NEDD1: variants seen among roughly 807,000 people sequenced by gnomAD.
NEDD1 encodes the protein NEDD1 gamma-tubulin ring complex targeting factor, also known as protein NEDD1.
In NEDD1, 33 loss-of-function variants were observed where a neutral mutation model predicts 74.0. That is an observed-to-expected ratio of 0.45 (90% CI 0.34 to 0.60). The LOEUF is 0.60. Among genes scored for constraint, NEDD1 ranks in the 20% least tolerant of loss-of-function variants. The pLI is 0.01. For synonymous variants in NEDD1, 250 were observed against 264.4 expected (o/e 0.95, Z 0.53); for missense variants, 746 against 776.5 (o/e 0.96, Z 0.47).
rs3741957 is a variant in NEDD1, at chr12:96,937,047, T to G, written c.922-151T>G. 2,620 of 516,786 alleles carry G rather than the reference T, an allele frequency of 5.1e-3. 67 individuals are homozygous for G. Among genetic ancestry groups the G allele is most frequent in the East Asian group, 0.044 (1,349 of 30,682 alleles). 32.0% of individuals were successfully genotyped at this position (516,786 alleles called of 1,614,324 possible). On this transcript the variant is annotated intron_variant, in intron 8 of 15. Coordinates refer to ENST00000266742, the MANE Select transcript of NEDD1 (RefSeq NM_152905.4). ...TTTTAAAAGTATTTTAAAAGACATT[T>G]TAATTTAGAGGGAAACTCAGGTCTG...
Position 96,936,789 on chromosome 12 carries a change from C to G in NEDD1, c.898C>G (p.Gln300Glu). The change falls in exon 8 of 16, where the codon CAG becomes GAG. Residue 300 changes from glutamine (Q) to glutamate (E), a missense_variant. This residue lies in a region of NEDD1 where 706 missense variants were observed against 706.7 expected (regional missense o/e 1.00). Coordinates refer to ENST00000266742, the MANE Select transcript of NEDD1 (RefSeq NM_152905.4). The stretch of plus-strand genomic sequence containing the variant: ...GACATCTGTGCAGTGTATAGCATTT[C>G]AGTACTCCACTGTTCTTACTAAGGT... Reference protein sequence around the residue: ...HKTSVQCIAFQYSTVLTKSSL... With the variant: ...HKTSVQCIAFEYSTVLTKSSL... The G allele has an allele frequency of 6.2e-7, 1 of 1,606,758 alleles. No homozygotes were observed. Among genetic ancestry groups the G allele is most frequent in the Admixed American group, 1.7e-5 (1 of 59,996 alleles).
In NEDD1 at chr12:96,952,111, T is replaced by A; in HGVS notation, c.*58T>A. ...TGGGAAGTTTCTGGCAACACAGAAC[T>A]ACATAGAATCAGTATTGTTTTCATG... On this transcript the variant is annotated 3_prime_UTR_variant, in exon 16 of 16. Transcript: ENST00000266742. The A allele has an allele frequency of 2.2e-6, 2 of 904,718 alleles. No homozygotes were observed. Among genetic ancestry groups the A allele is most frequent in the Non-Finnish European group, 3.7e-6 (2 of 547,330 alleles). The allele number at this position is 904,718 out of a possible 1,614,324, so 56.0% of individuals were successfully genotyped here. A position where few individuals can be genotyped will look rare whatever the true frequency, so the allele number is the denominator to read the frequency against.
intron 1 of NEDD1, 129 bp downstream of exon 1, chr12:96,907,429 G>A (rs1873434966): frequency 1.3e-5 from 7 of 541,646 alleles, no homozygotes; most frequent in Non-Finnish European, 2.3e-5. Flanking sequence ...CGCGCCCGGA[G>A]CGGTTGCTGG....
rs1878866833 is a variant in NEDD1 at position 96,953,235 on chromosome 12, C to T, written c.*1182C>T. The T allele has an allele frequency of 6.6e-6, 1 of 150,536 alleles. No individual in the cohort carries two copies. The highest frequency in any genetic ancestry group is 1.5e-5 in the Non-Finnish European group (1 of 67,406). 9.3% of individuals were successfully genotyped at this position (150,536 alleles called of 1,614,324 possible). A position where few individuals can be genotyped will look rare whatever the true frequency, so the allele number is the denominator to read the frequency against. Reference sequence around the variant, plus strand: ...AAAAAAAAAAAAACAAAAAACAAACCTTTAGCTCACTAACTTTATGGGTTT... The same window carrying T: ...AAAAAAAAAAAAACAAAAAACAAACTTTTAGCTCACTAACTTTATGGGTTT... On this transcript the variant is annotated 3_prime_UTR_variant, in exon 16 of 16. Coordinates refer to ENST00000266742, the MANE Select transcript of NEDD1 (RefSeq NM_152905.4).
At chr12:96,937,698 G>T (rs1451676592) in intron 9 of NEDD1, among the ~76,000 whole-genome samples, 1 of 152,064 alleles carries the variant, frequency 6.6e-6, no homozygotes, top group Non-Finnish European at 1.5e-5. Flanking sequence ...AAGACTGAAT[G>T]GCTTTTCATT....
At chr12:96,937,429 T>G (rs765892167) in intron 9 of NEDD1, 36 bp downstream of exon 9, 76 of 1,269,030 alleles carry the variant, frequency 6.0e-5, no homozygotes, top group East Asian at 4.1e-4. Flanking sequence ...AGGGTTGGTT[T>G]GTTTTTTTTT....
At chr12:96,945,634 A>T in intron 13 of NEDD1, 59 bp from the exon 14 acceptor site, 1 of 1,043,744 alleles carries the variant, frequency 9.6e-7, no homozygotes, top group Non-Finnish European at 1.4e-6. Flanking sequence ...TTATTTAGAA[A>T]TGTTTGATGT....
chr12:96,944,885 A>C, intron 13 of NEDD1, 90 bp downstream of exon 13: 1 of 974,332 alleles, frequency 1.0e-6, no homozygotes, highest in Admixed American at 2.8e-5. Flanking sequence ...TAGAGTAATC[A>C]TAGACTAAAA....
intron 7 of NEDD1, among the ~76,000 whole-genome samples, chr12:96,936,367 G>A (rs915364466): frequency 7.0e-6 from 1 of 143,548 alleles, no homozygotes; most frequent in South Asian, 2.4e-4. Flanking sequence ...GATGCAGAAT[G>A]TACCTATTGG....
intron 6 of NEDD1, among the ~76,000 whole-genome samples, chr12:96,931,201 A>G (rs1876429847): frequency 6.6e-6 from 1 of 152,206 alleles, no homozygotes; most frequent in African/African-American, 2.4e-5. Context: ...ACTGCTTTAT[A>G]GTGCCTAGTA....
At chr12:96,927,351 G>A (rs1875826148) in intron 6 of NEDD1, among the ~76,000 whole-genome samples, 1 of 152,152 alleles carries the variant, frequency 6.6e-6, no homozygotes, top group African/African-American at 2.4e-5. Flanking sequence ...AAATGTCTGA[G>A]CTGAATTAAA....
At chr12:96,930,156 AACACAC>A (rs61405089) in intron 6 of NEDD1, among the ~76,000 whole-genome samples, 969 of 93,562 alleles carry the variant, frequency 0.01, 10 homozygotes, top group African/African-American at 0.02. Flanking sequence ...TCTGTTGTAA[AACACAC>A]ACACACACAC....
At chr12:96,913,218 G>A (rs958990809) in intron 4 of NEDD1, among the ~76,000 whole-genome samples, 1 of 152,074 alleles carries the variant, frequency 6.6e-6, no homozygotes, top group Admixed American at 6.5e-5. Flanking sequence ...CAGACTCACA[G>A]CTGATGGTAG....
At chr12:96,941,051 G>C (rs1175938464) in intron 10 of NEDD1, among the ~76,000 whole-genome samples, 1 of 151,896 alleles carries the variant, frequency 6.6e-6, no homozygotes, top group Non-Finnish European at 1.5e-5. Context: ...GTGTCTTTTT[G>C]GTACTAACAT....
intron 6 of NEDD1, among the ~76,000 whole-genome samples, chr12:96,933,160 G>T (rs977423402): frequency 6.6e-6 from 1 of 152,114 alleles, no homozygotes; most frequent in Non-Finnish European, 1.5e-5. Context: ...GATGCAAACA[G>T]ATTCTGGATA....
chr12:96,909,912 A>T lies in NEDD1; in HGVS notation c.136+17A>T, dbSNP rs766483919. 3.8e-6 allele frequency: 6 copies of T among 1,591,032 alleles called. No individual in the cohort carries two copies. The South Asian group carries it at 7.0e-5, about 19-fold the overall frequency. ...GCAGCAATAGTATCCTTTAAAAAAAAAAAACACACACACACACACACAAAC... is the reference window on the plus strand; with the variant it reads ...GCAGCAATAGTATCCTTTAAAAAAATAAAACACACACACACACACACAAAC... On this transcript the variant is annotated intron_variant, in intron 3 of 15. Transcript: ENST00000266742.
At chr12:96,915,708 G>A (rs1315977727) in intron 4 of NEDD1, among the ~76,000 whole-genome samples, 1 of 152,172 alleles carries the variant, frequency 6.6e-6, no homozygotes, top group Non-Finnish European at 1.5e-5. Context: ...AGTTACTGAT[G>A]GCACCACCAA....
At chr12:96,934,661 C>A (rs1876900412) in intron 6 of NEDD1, among the ~76,000 whole-genome samples, 1 of 151,974 alleles carries the variant, frequency 6.6e-6, no homozygotes, top group African/African-American at 2.4e-5. Context: ...CCTCAGCCTC[C>A]CAAGTAGCTG....
chr12:96,948,575 G>C (rs189360500), intron 14 of NEDD1, among the ~76,000 whole-genome samples: 1 of 151,910 alleles, frequency 6.6e-6, no homozygotes, highest in African/African-American at 2.4e-5. Flanking sequence ...GTTTGTTTTC[G>C]TTATTAGAGT....
Sources: allele counts gnomAD v4.1 joint callset (sites outside exome capture counted in the v4.1 genomes callset), GRCh38; gene constraint gnomAD v4.1.1; regional missense constraint gnomAD v4.1.1; transcripts MANE v1.5; gene names NCBI Gene and HGNC (gene_info 2026-07-23, HGNC 2026-07-21).